The following STAB2 variants were observed in gnomAD, a reference collection of about 807,000 sequenced individuals.
STAB2 encodes the protein stabilin-2.
A neutral mutation model predicts 338.1 loss-of-function variants in STAB2; 288 were observed. The observed-to-expected ratio is 0.85, with a 90% confidence interval of 0.77 to 0.94. The LOEUF (loss-of-function observed/expected upper bound fraction) is 0.94, where lower values mean the gene tolerates loss of function less well. Among genes scored for constraint, STAB2 ranks in the 40% least tolerant of loss-of-function variants. The probability of loss-of-function intolerance (pLI) is 0.00; values close to 1 mark genes in which losing one functional copy is unlikely to be tolerated. For missense variants in STAB2, 3,141 were observed against 3,210.1 expected (o/e 0.98, Z 0.52); for synonymous variants, 1,202 against 1,193.3 (o/e 1.01, Z -0.15).
At chr12:103,674,215 T>G in intron 23 of STAB2, 128 bp downstream of exon 23, 1 of 1,083,088 alleles carries the variant, frequency 9.2e-7, no homozygotes, top group Non-Finnish European at 1.3e-6. Context: ...AGGCCTGTTA[T>G]CTCCAGCTGA....
intron 59 of STAB2, among the ~76,000 whole-genome samples, chr12:103,749,900 C>T (rs1467113366): frequency 2.1e-5 from 3 of 140,998 alleles, no homozygotes; most frequent in African/African-American, 5.3e-5. Flanking sequence ...GGAAAAGTGC[C>T]GAAAAGATGA....
intron 24 of STAB2, 37 bp downstream of exon 24, chr12:103,676,058 CTTTTTTTTTT>C (rs35874368): frequency 2.1e-5 from 14 of 669,378 alleles, no homozygotes; most frequent in East Asian, 4.3e-5. Context: ...TGCCTGGTTT[CTTTTTTTTTT>C]TTTTTTTTTT....
rs995871966 is a variant in STAB2, at chr12:103,721,582, T to G, written c.4684-3393T>G. 2.6e-5 allele frequency among the ~76,000 whole-genome samples: 4 copies of G among 152,216 alleles called. No homozygotes were observed. The East Asian group carries it at 7.7e-4, about 29-fold the overall frequency. ...CTCATTCTGGCTGCTGTGATGACTA[T>G]GCAGGATAGGGGTTCTAAAGCAGAA... is the stretch of plus-strand genomic sequence containing the variant. On this transcript the variant is annotated intron_variant, in intron 44 of 68. Coordinates refer to ENST00000388887, the MANE Select transcript of STAB2 (RefSeq NM_017564.10).
chr12:103,669,297 G>A, intron 20 of STAB2: 1 of 438,524 alleles, frequency 2.3e-6, no homozygotes, highest in Non-Finnish European at 4.1e-6. Context: ...CCACAAGCAT[G>A]AGCCTTCCTC....
intron 9 of STAB2, among the ~76,000 whole-genome samples, chr12:103,642,561 C>CTTGCCACT (rs1227098097): frequency 1.3e-5 from 2 of 152,238 alleles, no homozygotes; most frequent in East Asian, 3.8e-4. Flanking sequence ...GAGACATTCT[C>CTTGCCACT]AGATGGATCT....
Position 103,759,289 on chromosome 12 carries a change from G to C in STAB2, c.7248+16G>C. The C allele has an allele frequency of 6.2e-7, 1 of 1,611,166 alleles. No individual in the cohort carries two copies. The highest frequency in any genetic ancestry group is 8.5e-7 in the Non-Finnish European group (1 of 1,178,582). ...ACTCCAACCGGTACAAAGTCTTCTG[G>C]GCTTCTTGGGGGAACGGGAGATAAT... On this transcript the variant is annotated intron_variant, in intron 65 of 68. Coordinates refer to ENST00000388887, the MANE Select transcript of STAB2 (RefSeq NM_017564.10).
chr12:103,713,754 G>T lies in STAB2; in HGVS notation c.4523G>T (p.Gly1508Val). ...CTCKAGYTGD[G>V]IVCLEINPCL... ...TGCAAAGCAGGCTACACGGGTGATG[G>T]CATTGTGTGCCTGGGTAGGTGTCCT... Residue 1508 changes from glycine (G) to valine (V), a missense_variant, in exon 42 of 69, where the codon GGC (glycine) becomes GTC (valine). Gly to Val is a moderately radical substitution (Grantham distance 109). Transcript: ENST00000388887. The T allele has an allele frequency of 1.2e-6, 2 of 1,613,850 alleles. No individual in the cohort carries two copies. The highest frequency in any genetic ancestry group is 1.7e-6 in the Non-Finnish European group (2 of 1,179,822).
At chr12:103,681,071 T>C (rs1389799613) in intron 25 of STAB2, among the ~76,000 whole-genome samples, 1 of 152,208 alleles carries the variant, frequency 6.6e-6, no homozygotes, top group East Asian at 1.9e-4. Context: ...GTAAGTCCCA[T>C]GGTCTGGTTG....
At chr12:103,756,575 A>G (rs567270240) in intron 63 of STAB2, among the ~76,000 whole-genome samples, 224 of 152,358 alleles carry the variant, frequency 1.5e-3, no homozygotes, top group African/African-American at 5.1e-3. Flanking sequence ...AGCAAGGCCA[A>G]GGACACAGCC....
chr12:103,746,343 C>T, intron 57 of STAB2: 1 of 336,160 alleles, frequency 3.0e-6, no homozygotes. Flanking sequence ...TAATTGATAG[C>T]CCCTAAAGAA....
intron 56 of STAB2, among the ~76,000 whole-genome samples, chr12:103,743,381 C>G (rs1317043721): frequency 1.3e-5 from 2 of 151,990 alleles, no homozygotes; most frequent in Admixed American, 6.6e-5. Context: ...AAAATTCCAG[C>G]TCTCAAAAGG....
intron 65 of STAB2, among the ~76,000 whole-genome samples, chr12:103,760,342 C>A (rs1039352495): frequency 2.6e-5 from 4 of 152,134 alleles, no homozygotes; most frequent in Non-Finnish European, 5.9e-5. Flanking sequence ...TTCACTGCAA[C>A]CTCCCCCTCC....
rs749129227 is a variant in STAB2 at position 103,705,743 on chromosome 12, G to A, written c.3996+16G>A. 9.9e-6 allele frequency: 16 copies of A among 1,610,872 alleles called. No homozygotes were observed. Among genetic ancestry groups the A allele is most frequent in the Non-Finnish European group, 1.3e-5 (15 of 1,177,024 alleles). On this transcript the variant is annotated intron_variant, in intron 37 of 68. Transcript: ENST00000388887. ...AACCGTCATTGTGAGTACAATAATT[G>A]AATCATACTAACTACTGCAGCACCA...
intron 17 of STAB2, 21 bp downstream of exon 17, chr12:103,660,784 C>G (rs1593194532): frequency 6.2e-7 from 1 of 1,609,696 alleles, no homozygotes; most frequent in East Asian, 2.2e-5. Flanking sequence ...ACTCAACCAC[C>G]ACCAGCATCA....
At chr12:103,712,173 A>G (rs1879919723) in intron 40 of STAB2, among the ~76,000 whole-genome samples, 194 bp from the exon 41 acceptor site, 1 of 152,176 alleles carries the variant, frequency 6.6e-6, no homozygotes, top group Admixed American at 6.5e-5. Context: ...AGTTTGCCTG[A>G]TAAATGAGTA....
chr12:103,639,818 A>G (rs1391671606), intron 8 of STAB2, among the ~76,000 whole-genome samples: 1 of 152,074 alleles, frequency 6.6e-6, no homozygotes, highest in Non-Finnish European at 1.5e-5. Context: ...CCATTTGGAC[A>G]TCAATTTCTG....
chr12:103,744,145 T>C (rs1376397169), intron 56 of STAB2, among the ~76,000 whole-genome samples: 1 of 96,658 alleles, frequency 1.0e-5, no homozygotes, highest in Admixed American at 8.8e-5. Flanking sequence ...TATTTTTTAA[T>C]GTTACTTTTT....
At chr12:103,653,387 A>G (rs1395147816) in intron 12 of STAB2, among the ~76,000 whole-genome samples, 1 of 152,150 alleles carries the variant, frequency 6.6e-6, no homozygotes, top group Non-Finnish European at 1.5e-5. Context: ...ATAACCCTGT[A>G]AAGGAGGGAC....
intron 63 of STAB2, among the ~76,000 whole-genome samples, chr12:103,757,468 C>T (rs1289382232): frequency 2.0e-5 from 3 of 152,300 alleles, no homozygotes; most frequent in South Asian, 4.1e-4. Flanking sequence ...GGAACAAACA[C>T]GTCAATAGTA....
Sources: allele counts gnomAD v4.1 joint callset (sites outside exome capture counted in the v4.1 genomes callset), GRCh38; gene constraint gnomAD v4.1.1; transcripts MANE v1.5; gene names NCBI Gene and HGNC (gene_info 2026-07-23, HGNC 2026-07-21).